The following COL3A1 variants were observed in gnomAD, a reference collection of about 807,000 sequenced individuals.
COL3A1 encodes collagen type III alpha 1 chain.
Under a neutral mutation model 200.9 loss-of-function variants are expected in COL3A1, and 46 were observed. The ratio of observed to expected loss-of-function variants is 0.23; its 90% CI spans 0.18 to 0.29. The LOEUF (loss-of-function observed/expected upper bound fraction) is 0.29, where lower values mean the gene tolerates loss of function less well. COL3A1 is among the 10% of genes least tolerant of loss of function. COL3A1 has a pLI of 1.00. For synonymous variants in COL3A1, 650 were observed against 628.0 expected, an observed-to-expected ratio of 1.03 and a Z score of -0.52; for missense variants, 1,367 against 1,917.6, an observed-to-expected ratio of 0.71 and a Z score of 5.36.
At position 188,985,721 on chromosome 2, in the gene COL3A1, G is replaced by T. The variant is rs771480377; in HGVS notation, c.390G>T (p.Gly130=). The T allele has an allele frequency of 3.7e-6, 6 of 1,611,606 alleles. No homozygotes were observed. Among genetic ancestry groups the T allele is most frequent in the Non-Finnish European group, 5.1e-6 (6 of 1,178,896 alleles). ...NGDPGIPGQP[G]SPGSPGPPGI... ...ACCCTGGTATTCCAGGACAACCAGG[G>T]TCCCCTGGTTCTCCTGGCCCCCCTG... The change falls in exon 4 of 51, where the codon GGG becomes GGT. Residue 130 remains glycine (G), a synonymous_variant. Coordinates refer to ENST00000304636, the MANE Select transcript of COL3A1 (RefSeq NM_000090.4).
intron 1 of COL3A1, among the ~76,000 whole-genome samples, chr2:188,980,640 G>A (rs556572362): frequency 1.7e-4 from 26 of 150,700 alleles, no homozygotes; most frequent in Middle Eastern, 6.8e-3. Context: ...GCAAAACAGT[G>A]CTTTTAAATT....
intron 32 of COL3A1, among the ~76,000 whole-genome samples, chr2:189,000,185 A>G (rs1296832216): frequency 1.2e-4 from 18 of 152,194 alleles, no homozygotes; most frequent in Admixed American, 1.1e-3. Context: ...AGGATAATCA[A>G]TGCTGCTCAT....
Position 188,981,704 on chromosome 2 carries a change from C to A in COL3A1, c.80-3056C>A, listed in dbSNP as rs545730514. ...AATGGCTAACTAGAGCATTTTTATTCCTCTAGAAACAAAACATTCTTTTCC... is the reference window on the plus strand; with the variant it reads ...AATGGCTAACTAGAGCATTTTTATTACTCTAGAAACAAAACATTCTTTTCC... On this transcript the variant is annotated intron_variant, in intron 1 of 50. Coordinates refer to ENST00000304636, the MANE Select transcript of COL3A1 (RefSeq NM_000090.4). Among the ~76,000 whole-genome samples, 8 of 151,426 alleles carry A rather than the reference C, an allele frequency of 5.3e-5. No homozygotes were observed. The South Asian group carries it at 1.7e-3, about 31-fold the overall frequency.
Position 189,006,930 on chromosome 2 carries a change from A to G in COL3A1, c.3202-7A>G, listed in dbSNP as rs201091810. The G allele has an allele frequency of 6.2e-7, 1 of 1,613,302 alleles. No homozygotes were observed. The highest frequency in any genetic ancestry group is 8.5e-7 in the Non-Finnish European group (1 of 1,179,650). On this transcript the variant is annotated splice_polypyrimidine_tract_variant and splice_region_variant and intron_variant, in intron 43 of 50. Transcript: ENST00000304636. ...TATGTCTTCTCAATTGAATGTTTTC[A>G]TCTTAGGGCCCTGCTGGCCCTGCTG...
At chr2:188,983,775 T>G (rs1271098853) in intron 1 of COL3A1, among the ~76,000 whole-genome samples, 1 of 151,994 alleles carries the variant, frequency 6.6e-6, no homozygotes, top group Non-Finnish European at 1.5e-5. Context: ...TGCAAAAATT[T>G]TTGCAGATGC....
At chr2:188,997,075 AT>A (rs368376637) in intron 24 of COL3A1, 89 bp from the exon 25 acceptor site, 2 of 840,502 alleles carry the variant, frequency 2.4e-6, no homozygotes, top group East Asian at 2.6e-5. Context: ...TATATGAGAC[AT>A]ATATATATGA....
chr2:188,995,095 A>G lies in COL3A1; in HGVS notation c.1505A>G (p.Glu502Gly), dbSNP rs1332374277. The G allele has an allele frequency of 6.2e-7, 1 of 1,614,062 alleles. No individual in the cohort carries two copies. The highest frequency in any genetic ancestry group is 8.5e-7 in the Non-Finnish European group (1 of 1,179,928). ...GCTGGACCAAATGGCATCCCAGGAG[A>G]AAAGGTAGATAACTTTAGTTTCTAT... ...GPAGPNGIPG[E>G]KGPAGERGAP... The change falls in exon 21 of 51, where the codon GAA becomes GGA. Residue 502 changes from glutamate to glycine, a missense_variant. Transcript: ENST00000304636.
At chr2:188,995,561 T>C (rs1480139331) in intron 21 of COL3A1, 131 bp from the exon 22 acceptor site, 1 of 665,392 alleles carries the variant, frequency 1.5e-6, no homozygotes. Context: ...ATTTTATGTA[T>C]AAATGTTTCA....
At chr2:188,977,494 G>T (rs755572517) in intron 1 of COL3A1, among the ~76,000 whole-genome samples, 2 of 151,968 alleles carry the variant, frequency 1.3e-5, no homozygotes, top group Non-Finnish European at 2.9e-5. Flanking sequence ...GTTTGTGTTT[G>T]TCCCTACAAT....
At chr2:188,997,547 G>C (rs1688357016) in intron 26 of COL3A1, among the ~76,000 whole-genome samples, 153 bp from the exon 27 acceptor site, 1 of 152,190 alleles carries the variant, frequency 6.6e-6, no homozygotes, top group Admixed American at 6.5e-5. Flanking sequence ...TGCTAGCATT[G>C]AGTTTAGAGT....
At chr2:188,979,545 T>A (rs1687906383) in intron 1 of COL3A1, among the ~76,000 whole-genome samples, 1 of 151,852 alleles carries the variant, frequency 6.6e-6, no homozygotes, top group African/African-American at 2.4e-5. Flanking sequence ...GTGGTCTGGA[T>A]GTCATCAGGG....
At chr2:188,978,577 A>G (rs373107378) in intron 1 of COL3A1, among the ~76,000 whole-genome samples, 1 of 151,984 alleles carries the variant, frequency 6.6e-6, no homozygotes, top group Non-Finnish European at 1.5e-5. Flanking sequence ...TGAAGTGATT[A>G]AAGTAGATTG....
At chr2:188,982,462 G>A (rs1321330658) in intron 1 of COL3A1, among the ~76,000 whole-genome samples, 1 of 151,790 alleles carries the variant, frequency 6.6e-6, no homozygotes, top group Non-Finnish European at 1.5e-5. Flanking sequence ...AAGTATTTAT[G>A]TTAATTTCTA....
At chr2:188,977,136 A>G (rs1261498589) in intron 1 of COL3A1, among the ~76,000 whole-genome samples, 2 of 152,128 alleles carry the variant, frequency 1.3e-5, no homozygotes, top group Non-Finnish European at 1.5e-5. Flanking sequence ...ACTATTGTTT[A>G]AATACATTTT....
Position 189,003,445 on chromosome 2 carries a change from G to A in COL3A1, c.2588G>A (p.Arg863His), listed in dbSNP as rs755762264. ...PPGPQGVKGE[R>H]GSPGGPGAAG... ...GGTCCCCAAGGTGTCAAAGGTGAAC[G>A]TGGCAGTCCTGGTGGACCTGTAAGT... The change falls in exon 37 of 51, where the codon CGT (arginine) becomes CAT (histidine). Residue 863 changes from arginine (R) to histidine (H), a missense_variant. This residue lies in a region of COL3A1 where 846 missense variants were observed against 1,147.9 expected (regional missense o/e 0.74). Transcript: ENST00000304636. The A allele has an allele frequency of 1.1e-5, 18 of 1,613,816 alleles. No individual in the cohort carries two copies. Among genetic ancestry groups the A allele is most frequent in the South Asian group, 1.1e-4 (10 of 91,058 alleles).
Position 189,012,109 on chromosome 2 carries a change from G to T in COL3A1, c.*335G>T. ...AGCCCATCTGCAGAGCAATGACTGT[G>T]CTCACCAGTAAAAGATAACCTTTCT... On this transcript the variant is annotated 3_prime_UTR_variant, in exon 51 of 51. Coordinates refer to ENST00000304636, the MANE Select transcript of COL3A1 (RefSeq NM_000090.4). The T allele has an allele frequency of 3.8e-6, 1 of 262,596 alleles. No individual in the cohort carries two copies. Among genetic ancestry groups the T allele is most frequent in the Non-Finnish European group, 7.4e-6 (1 of 135,116 alleles). 16.3% of individuals were successfully genotyped at this position (262,596 alleles called of 1,614,324 possible). A position where few individuals can be genotyped will look rare whatever the true frequency, so the allele number is the denominator to read the frequency against.
At chr2:188,983,572 G>A (rs1687999262) in intron 1 of COL3A1, among the ~76,000 whole-genome samples, 1 of 151,870 alleles carries the variant, frequency 6.6e-6, no homozygotes, top group African/African-American at 2.4e-5. Flanking sequence ...TGCATGTAGT[G>A]CCCAGATGGA....
chr2:189,007,322 C>T (rs1422284764), intron 44 of COL3A1, among the ~76,000 whole-genome samples, 178 bp from the exon 45 acceptor site: 1 of 151,568 alleles, frequency 6.6e-6, no homozygotes, highest in East Asian at 1.9e-4. Flanking sequence ...ATGCAATGAT[C>T]AGTCCAAAAT....
At chr2:188,979,179 A>G (rs980044826) in intron 1 of COL3A1, among the ~76,000 whole-genome samples, 9 of 152,124 alleles carry the variant, frequency 5.9e-5, no homozygotes, top group Admixed American at 3.9e-4. Flanking sequence ...CTGCTTCAGT[A>G]AAATGGCATA....
Sources: gnomAD v4.1 joint callset for allele counts (sites outside exome capture counted in the v4.1 genomes callset) on GRCh38, gnomAD v4.1.1 for gene constraint, gnomAD v4.1.1 regional missense constraint, MANE v1.5 for transcripts, NCBI Gene and HGNC (gene_info 2026-07-23, HGNC 2026-07-21) for gene names.